SH3GL2: variants seen among roughly 807,000 people sequenced by gnomAD.
SH3GL2 encodes the protein SH3 domain containing GRB2 like 2, endophilin A1.
SH3GL2 carries 24 observed loss-of-function variants against 46.0 expected under a neutral mutation model. The ratio of observed to expected loss-of-function variants is 0.52; its 90% confidence interval spans 0.38 to 0.73. The LOEUF is 0.73. Ranked by LOEUF, SH3GL2 falls within the 30% of genes least tolerant of loss-of-function variation. The pLI, the probability that SH3GL2 is intolerant of heterozygous loss-of-function variation, is 0.00. For missense variants in SH3GL2, 413 were observed against 424.2 expected (o/e 0.97, Z 0.23); for synonymous variants, 196 against 147.1 (o/e 1.33, Z -2.40).
At chr9:17,698,134 G>T (rs1250954870) in intron 1 of SH3GL2, among the ~76,000 whole-genome samples, 1 of 152,150 alleles carries the variant, frequency 6.6e-6, no homozygotes, top group Non-Finnish European at 1.5e-5. Context: ...ATTACATATG[G>T]TAGTAGAAGG....
chr9:17,641,746 C>A (rs1181303122), intron 1 of SH3GL2, among the ~76,000 whole-genome samples: 2 of 152,138 alleles, frequency 1.3e-5, no homozygotes, highest in Non-Finnish European at 2.9e-5. Flanking sequence ...CAGCTTCATC[C>A]ATGTCCCTGC....
At chr9:17,594,935 C>T (rs761961129) in intron 1 of SH3GL2, among the ~76,000 whole-genome samples, 12 of 152,138 alleles carry the variant, frequency 7.9e-5, no homozygotes, top group Non-Finnish European at 1.6e-4. Context: ...AATACATCAC[C>T]GATTTCTAAA....
chr9:17,601,557 CT>C (rs944228419), intron 1 of SH3GL2, among the ~76,000 whole-genome samples: 7 of 152,104 alleles, frequency 4.6e-5, no homozygotes, highest in Admixed American at 3.3e-4. Context: ...TGTAAAATAT[CT>C]TTTTAGTCAT....
chr9:17,776,668 C>CT lies in SH3GL2; in HGVS notation c.188-9700dup, dbSNP rs10660060. Among the ~76,000 whole-genome samples the CT allele has an allele frequency of 3.0e-3, 436 of 147,412 alleles. 5 individuals are homozygous for CT. Among genetic ancestry groups the CT allele is most frequent in the East Asian group, 8.7e-3 (44 of 5,052 alleles). ...ACTTTGCATTTTCAAAATGTCCCAT[C>CT]TTTTTTTTTTTTTAAGCCAAGAAGT... On this transcript the variant is annotated intron_variant, in intron 3 of 8. Transcript: ENST00000380607.
intron 3 of SH3GL2, among the ~76,000 whole-genome samples, chr9:17,777,259 A>G (rs921322234): frequency 7.9e-5 from 12 of 152,210 alleles, no homozygotes; most frequent in Non-Finnish European, 1.8e-4. Flanking sequence ...AGATGACTTT[A>G]TTCAAAAAGA....
intron 1 of SH3GL2, among the ~76,000 whole-genome samples, chr9:17,610,598 T>TA (rs1818842009): frequency 6.6e-6 from 1 of 152,190 alleles, no homozygotes; most frequent in Non-Finnish European, 1.5e-5. Context: ...AACATATACT[T>TA]AAAAAAATCA....
chr9:17,589,366 T>C (rs1420866890), intron 1 of SH3GL2: 1 of 152,196 alleles, frequency 6.6e-6, no homozygotes, highest in African/African-American at 2.4e-5. Context: ...TTTTATAGAT[T>C]TTTTTCTACA....
intron 1 of SH3GL2, among the ~76,000 whole-genome samples, chr9:17,739,311 T>C (rs1822454892): frequency 6.6e-6 from 1 of 152,232 alleles, no homozygotes; most frequent in East Asian, 1.9e-4. Flanking sequence ...TTCTTCTCTT[T>C]ATGAGTTGCT....
At chr9:17,627,731 A>G (rs1040195689) in intron 1 of SH3GL2, among the ~76,000 whole-genome samples, 1 of 152,236 alleles carries the variant, frequency 6.6e-6, no homozygotes, top group African/African-American at 2.4e-5. Flanking sequence ...AACTGTGTAG[A>G]CAAAGGATAA....
In SH3GL2 at chr9:17,761,534, AAGGATCCCTCG is replaced by A. The variant is rs751227572; in HGVS notation, c.187+29_187+39del. On this transcript the variant is annotated intron_variant, in intron 3 of 8. Transcript: ENST00000380607. The stretch of plus-strand genomic sequence containing the variant: ...GGTAAGGCATCATCTTATATGTTTA[AAGGATCCCTCG>A]AGGTAACTTTTAGTTTCTCTTTGAT... The A allele has an allele frequency of 1.3e-5, 18 of 1,358,956 alleles. No homozygotes were observed. The Admixed American group carries it at 2.0e-4, about 15-fold the overall frequency. The allele number at this position is 1,358,956 out of a possible 1,614,324, so 84.2% of individuals were successfully genotyped here.
chr9:17,777,823 T>C (rs9406721), intron 3 of SH3GL2, among the ~76,000 whole-genome samples: 17,594 of 152,074 alleles, frequency 0.12, 1,120 homozygotes, highest in Admixed American at 0.15. Flanking sequence ...ACATTGGGTA[T>C]TGGGGTTTCA....
At chr9:17,634,380 A>T (rs1470932696) in intron 1 of SH3GL2, among the ~76,000 whole-genome samples, 1 of 152,112 alleles carries the variant, frequency 6.6e-6, no homozygotes, top group Non-Finnish European at 1.5e-5. Context: ...CCCAAACTCC[A>T]CAACAGGTTT....
chr9:17,659,567 G>A (rs1006958172), intron 1 of SH3GL2, among the ~76,000 whole-genome samples: 4 of 152,148 alleles, frequency 2.6e-5, no homozygotes, highest in Non-Finnish European at 5.9e-5. Flanking sequence ...TTAGGTTCAG[G>A]GAGAGAAGTC....
At chr9:17,788,904 C>G (rs201024667) in intron 5 of SH3GL2, among the ~76,000 whole-genome samples, 1 of 150,614 alleles carries the variant, frequency 6.6e-6, no homozygotes, top group Non-Finnish European at 1.5e-5. Flanking sequence ...GAGCAACTTA[C>G]GTGATTCTAA....
chr9:17,627,334 T>C (rs1819306270), intron 1 of SH3GL2, among the ~76,000 whole-genome samples: 1 of 152,044 alleles, frequency 6.6e-6, no homozygotes, highest in Non-Finnish European at 1.5e-5. Context: ...AGCTTGATCG[T>C]TGGGGAATAA....
chr9:17,704,584 A>G (rs779558432), intron 1 of SH3GL2, among the ~76,000 whole-genome samples: 17 of 151,664 alleles, frequency 1.1e-4, no homozygotes, highest in Non-Finnish European at 1.8e-4. Flanking sequence ...GAAAACAGAC[A>G]CACATACCAA....
intron 1 of SH3GL2, among the ~76,000 whole-genome samples, chr9:17,743,247 G>C (rs545123212): frequency 6.6e-6 from 1 of 152,190 alleles, no homozygotes; most frequent in African/African-American, 2.4e-5. Flanking sequence ...GTTAAATTCG[G>C]GGCCTTGATA....
At chr9:17,597,627 T>A (rs1226356080) in intron 1 of SH3GL2, among the ~76,000 whole-genome samples, 1 of 152,224 alleles carries the variant, frequency 6.6e-6, no homozygotes, top group Non-Finnish European at 1.5e-5. Flanking sequence ...TAGGTGGTTC[T>A]CTTAAGAGTA....
intron 1 of SH3GL2, among the ~76,000 whole-genome samples, chr9:17,614,295 GAAAAAAA>G (rs3084628): frequency 6.4e-4 from 45 of 70,298 alleles, no homozygotes; most frequent in African/African-American, 1.2e-3. Flanking sequence ...CATGGTTTCT[GAAAAAAA>G]AAAAAAAAAA....
Sources: gnomAD v4.1 joint callset for allele counts (sites outside exome capture counted in the v4.1 genomes callset) on GRCh38, gnomAD v4.1.1 for gene constraint, MANE v1.5 for transcripts, NCBI Gene and HGNC (gene_info 2026-07-23, HGNC 2026-07-21) for gene names.